Variants in TOX observed in about 807,000 individuals in gnomAD.
TOX encodes thymocyte selection associated high mobility group box, also known as thymocyte selection-associated high mobility group box protein TOX.
Under a neutral mutation model 53.7 loss-of-function variants are expected in TOX, and 11 were observed. That is an observed-to-expected ratio of 0.20 (90% confidence interval 0.13 to 0.34). TOX has a LOEUF of 0.34. Ranked by LOEUF, TOX falls within the 10% of genes least tolerant of loss-of-function variation. TOX has a pLI of 1.00. For missense variants in TOX, 570 were observed against 664.6 expected (o/e 0.86, Z 1.56); for synonymous variants, 225 against 245.3 (o/e 0.92, Z 0.77).
At chr8:59,056,425 C>G (rs1803889340) in intron 1 of TOX, among the ~76,000 whole-genome samples, 1 of 88,398 alleles carries the variant, frequency 1.1e-5, no homozygotes, top group South Asian at 4.9e-4. Flanking sequence ...GAGCAAGGCC[C>G]TCTCCGAAAA....
intron 3 of TOX, among the ~76,000 whole-genome samples, chr8:58,912,940 C>T (rs934926085): frequency 1.3e-5 from 2 of 152,190 alleles, no homozygotes; most frequent in African/African-American, 4.8e-5. Context: ...ACAAGTTGTA[C>T]AACTCTGATC....
In TOX at chr8:59,118,467, C is replaced by A; in HGVS notation, c.102+419G>T. Among the ~76,000 whole-genome samples, 1 of 152,176 alleles carries A rather than the reference C, an allele frequency of 6.6e-6. No homozygotes were observed. The highest frequency in any genetic ancestry group is 1.9e-4 in the East Asian group (1 of 5,180). ...CGGAGAAGGGAAGTGGTGCCACGAG[C>A]CCCCACTGCCCGGGGAGGGAGGGAG... On this transcript the variant is annotated intron_variant, in intron 1 of 8. Coordinates refer to ENST00000361421, the MANE Select transcript of TOX (RefSeq NM_014729.3). The surrounding 1 kb of genome is among the most constrained non-coding windows in gnomAD (Gnocchi z 4.1).
chr8:58,980,869 G>C (rs1001535337), intron 1 of TOX, among the ~76,000 whole-genome samples: 1 of 152,042 alleles, frequency 6.6e-6, no homozygotes, highest in Non-Finnish European at 1.5e-5. Context: ...GTGAGAACTC[G>C]TTCCTGCCAG....
intron 5 of TOX, among the ~76,000 whole-genome samples, chr8:58,828,308 A>G (rs939762447): frequency 1.3e-5 from 2 of 152,198 alleles, no homozygotes; most frequent in African/African-American, 4.8e-5. Flanking sequence ...TATGAAATGA[A>G]TGTGCTAATT....
At chr8:59,071,612 T>A (rs1804198486) in intron 1 of TOX, among the ~76,000 whole-genome samples, 1 of 152,192 alleles carries the variant, frequency 6.6e-6, no homozygotes, top group Non-Finnish European at 1.5e-5. Flanking sequence ...ACACACCATT[T>A]TTGGTCACCA....
chr8:59,021,499 T>TATATAC (rs1554539851), intron 1 of TOX, among the ~76,000 whole-genome samples: 5 of 109,634 alleles, frequency 4.6e-5, no homozygotes, highest in African/African-American at 3.1e-5. Flanking sequence ...TATATATATA[T>TATATAC]GCACATATAT....
chr8:59,028,581 A>G (rs1459556418), intron 1 of TOX, among the ~76,000 whole-genome samples: 1 of 152,190 alleles, frequency 6.6e-6, no homozygotes, highest in Non-Finnish European at 1.5e-5. Context: ...ATACATACAT[A>G]CATACATATA....
At chr8:58,876,452 T>G (rs1220858101) in intron 3 of TOX, among the ~76,000 whole-genome samples, 2 of 145,812 alleles carry the variant, frequency 1.4e-5, no homozygotes, top group African/African-American at 2.6e-5. Flanking sequence ...CATATCCCTC[T>G]TTTAAAATGC....
intron 3 of TOX, among the ~76,000 whole-genome samples, chr8:58,910,936 C>G (rs149811044): frequency 6.6e-6 from 1 of 152,094 alleles, no homozygotes; most frequent in Admixed American, 6.5e-5. Flanking sequence ...ACATGCACCT[C>G]GGATAACCAA....
intron 3 of TOX, among the ~76,000 whole-genome samples, chr8:58,927,890 A>G (rs982067921): frequency 6.6e-6 from 1 of 152,092 alleles, no homozygotes; most frequent in African/African-American, 2.4e-5. Context: ...TGGATAGTGA[A>G]GGGCCTGCCA....
intron 3 of TOX, among the ~76,000 whole-genome samples, chr8:58,852,355 C>T (rs896455213): frequency 3.9e-5 from 6 of 152,192 alleles, no homozygotes; most frequent in Admixed American, 3.9e-4. Context: ...GATCTCCTAA[C>T]TACCAGACTC....
intron 2 of TOX, among the ~76,000 whole-genome samples, chr8:58,946,726 T>C (rs1334779636): frequency 6.6e-6 from 1 of 152,188 alleles, no homozygotes; most frequent in Admixed American, 6.6e-5. Flanking sequence ...TAACTGGTGT[T>C]AAATAAAAAG....
At chr8:58,845,339 C>T (rs1288876566) in intron 4 of TOX, among the ~76,000 whole-genome samples, 1 of 152,092 alleles carries the variant, frequency 6.6e-6, no homozygotes, top group Admixed American at 6.6e-5. Context: ...ATTATAAACT[C>T]CTCTCCATAG....
chr8:59,032,996 T>G (rs1814387131), intron 1 of TOX, among the ~76,000 whole-genome samples: 1 of 148,186 alleles, frequency 6.7e-6, no homozygotes, highest in Non-Finnish European at 1.5e-5. Flanking sequence ...ATTGTGCCAT[T>G]GCACTCCATC....
intron 3 of TOX, among the ~76,000 whole-genome samples, chr8:58,884,002 A>C (rs553379289): frequency 6.6e-6 from 1 of 152,284 alleles, no homozygotes; most frequent in Admixed American, 6.5e-5. Flanking sequence ...AATGTCTGAC[A>C]CTGAACATTA....
intron 6 of TOX, among the ~76,000 whole-genome samples, chr8:58,818,856 A>G (rs1810224972): frequency 6.6e-6 from 1 of 152,128 alleles, no homozygotes; most frequent in Admixed American, 6.5e-5. Context: ...ACTGCCCTTT[A>G]TGCCTCACTG....
Position 59,118,263 on chromosome 8 carries a change from A to G in TOX, c.102+623T>C, listed in dbSNP as rs1243418070. Among the ~76,000 whole-genome samples the G allele has an allele frequency of 6.6e-6, 1 of 151,854 alleles. No individual in the cohort carries two copies. The highest frequency in any genetic ancestry group is 1.5e-5 in the Non-Finnish European group (1 of 67,944). On this transcript the variant is annotated intron_variant, in intron 1 of 8. Coordinates refer to ENST00000361421, the MANE Select transcript of TOX (RefSeq NM_014729.3). The surrounding 1 kb of genome is among the most constrained non-coding windows in gnomAD (Gnocchi z 4.1). ...CCCTTAAACAGGAACTGTTCCCCAA[A>G]CCTTGACCCAGCTACCCCGCTGTGC...
intron 1 of TOX, among the ~76,000 whole-genome samples, chr8:59,092,724 C>G (rs904041529): frequency 2.0e-5 from 3 of 152,030 alleles, no homozygotes; most frequent in Non-Finnish European, 2.9e-5. Context: ...TCCTCTCTTC[C>G]AGGAAGTTTT....
chr8:59,034,277 C>T (rs779993523), intron 1 of TOX, among the ~76,000 whole-genome samples: 6 of 152,212 alleles, frequency 3.9e-5, no homozygotes, highest in Non-Finnish European at 7.3e-5. Flanking sequence ...GAAATCTATG[C>T]CAGTCCTATT....
Sources: allele counts gnomAD v4.1 joint callset (sites outside exome capture counted in the v4.1 genomes callset), GRCh38; gene constraint gnomAD v4.1.1; non-coding constraint Gnocchi (gnomAD v3.1); transcripts MANE v1.5; gene names NCBI Gene and HGNC (gene_info 2026-07-23, HGNC 2026-07-21).